The following SELENOO variants were observed in gnomAD, a reference collection of about 807,000 sequenced individuals.
The protein encoded by SELENOO is selenoprotein O.
Under a neutral mutation model 58.7 loss-of-function variants are expected in SELENOO, and 74 were observed. The observed-to-expected ratio is 1.26, with a 90% CI of 1.04 to 1.53. The LOEUF is 1.53. Ranked by LOEUF, SELENOO falls within the 40% of genes most tolerant of loss-of-function variation. The pLI is 0.00. For synonymous variants in SELENOO, 543 were observed against 453.2 expected, an observed-to-expected ratio of 1.20 and a Z score of -2.52; for missense variants, 1,149 against 970.0, an observed-to-expected ratio of 1.18 and a Z score of -2.45.
chr22:50,209,637 G>A (rs1370228092), intron 3 of SELENOO: 1 of 153,134 alleles, frequency 6.5e-6, no homozygotes, highest in Non-Finnish European at 1.5e-5. Context: ...GAGCGTCGGT[G>A]GCCTTGAAGG....
intron 4 of SELENOO, 78 bp from the exon 5 acceptor site, chr22:50,210,553 C>T (rs928751036): frequency 6.3e-7 from 1 of 1,593,814 alleles, no homozygotes; most frequent in African/African-American, 1.3e-5. Context: ...TCCCCTGGGC[C>T]TCCCCTCCAG....
intron 2 of SELENOO, among the ~76,000 whole-genome samples, chr22:50,206,892 T>TG (rs58610841): frequency 0.41 from 61,783 of 151,776 alleles, 12,626 homozygotes; most frequent in African/African-American, 0.45. Context: ...CTGGTGCTTC[T>TG]GGGGGGGAGG....
chr22:50,212,392 G>A (rs1351759858), intron 5 of SELENOO, among the ~76,000 whole-genome samples: 1 of 152,174 alleles, frequency 6.6e-6, no homozygotes, highest in Non-Finnish European at 1.5e-5. Context: ...TCTGTGTCAG[G>A]TAGTTTGTCC....
intron 5 of SELENOO, among the ~76,000 whole-genome samples, chr22:50,213,284 C>T (rs929334826): frequency 2.6e-5 from 4 of 152,172 alleles, no homozygotes; most frequent in African/African-American, 9.7e-5. Flanking sequence ...TGGTCTCCAA[C>T]ACCTGATCGC....
intron 5 of SELENOO, among the ~76,000 whole-genome samples, chr22:50,212,885 GCA>G (rs1331707336): frequency 1.2e-4 from 18 of 147,090 alleles, no homozygotes; most frequent in African/African-American, 4.3e-4. Context: ...GTGGAGTTAC[GCA>G]GCGTGTGCCT....
In SELENOO at chr22:50,201,288, C is replaced by G. The variant is rs2064297698; in HGVS notation, c.252C>G (p.Arg84=). 3.7e-5 allele frequency: 40 copies of G among 1,084,522 alleles called. No individual in the cohort carries two copies. Among genetic ancestry groups the G allele is most frequent in the Non-Finnish European group, 4.3e-5 (39 of 896,998 alleles). 67.2% of individuals were successfully genotyped at this position (1,084,522 alleles called of 1,614,324 possible). ...CCGTGCCCGGGGCCTGCTTCACCCG[C>G]GTGCAGCCCACCCCGCTGCGGCAGC... ...PRPVPGACFT[R]VQPTPLRQPR... Residue 84 remains arginine (R), a synonymous_variant, in exon 1 of 9, where the codon CGC becomes CGG. Transcript: ENST00000380903.
chr22:50,209,072 G>A (rs1321988055), intron 3 of SELENOO: 3 of 205,848 alleles, frequency 1.5e-5, no homozygotes, highest in Admixed American at 1.1e-4. Context: ...AGCCAGCCGG[G>A]TCCTGACTGG....
chr22:50,207,856 G>T (rs140126200), intron 2 of SELENOO, among the ~76,000 whole-genome samples: 1 of 137,708 alleles, frequency 7.3e-6, no homozygotes, highest in African/African-American at 2.7e-5. Flanking sequence ...TCTCCTCCCC[G>T]AGGACGCAGT....
chr22:50,216,740 G>T lies in SELENOO; in HGVS notation c.1552G>T (p.Ala518Ser). Reference sequence around the variant, plus strand: ...GGCGCAGTCAAACCCGCAGCTGTTCGCGCTTATGGGCACCCGGGCAGGCAT... The same window carrying T: ...GGCGCAGTCAAACCCGCAGCTGTTCTCGCTTATGGGCACCCGGGCAGGCAT... ...MLAQSNPQLF[A>S]LMGTRAGIAR... Residue 518 changes from alanine (A) to serine (S), a missense_variant, in exon 7 of 9, where the codon GCG (alanine) becomes TCG (serine). By Grantham distance (99) the Ala-to-Ser change is moderately conservative. Transcript: ENST00000380903. 6.2e-7 allele frequency: 1 copy of T among 1,606,054 alleles called. No homozygotes were observed.
In SELENOO at chr22:50,210,673, C is replaced by T; in HGVS notation, c.1113C>T (p.Gly371=). 1.2e-6 allele frequency: 2 copies of T among 1,613,138 alleles called. No homozygotes were observed. Among genetic ancestry groups the T allele is most frequent in the East Asian group, 2.2e-5 (1 of 44,888 alleles). Residue 371 remains glycine, a synonymous_variant, in exon 5 of 9, where the codon GGC becomes GGT. Coordinates refer to ENST00000380903, the MANE Select transcript of SELENOO (RefSeq NM_031454.2). ...TGTGCAATGCCTCCGACAACACCGG[C>T]CGCTACGCGTACAGCAAGCAGCCCG... ...DHVCNASDNT[G]RYAYSKQPEV...
At position 50,217,584 on chromosome 22, in the gene SELENOO, C is replaced by G. The variant is rs1602499909; in HGVS notation, c.*215C>G. Reference sequence around the variant, plus strand: ...GCAGCCTGGTCCCTGGGGGCTGGACCCAGGCTCCTAAATAAACCAGCAACT... The same window carrying G: ...GCAGCCTGGTCCCTGGGGGCTGGACGCAGGCTCCTAAATAAACCAGCAACT... On this transcript the variant is annotated 3_prime_UTR_variant, in exon 9 of 9. Coordinates refer to ENST00000380903, the MANE Select transcript of SELENOO (RefSeq NM_031454.2). 1.0e-6 allele frequency: 1 copy of G among 969,390 alleles called. No homozygotes were observed. The highest frequency in any genetic ancestry group is 2.7e-5 in the East Asian group (1 of 37,498). 60.0% of individuals were successfully genotyped at this position (969,390 alleles called of 1,614,324 possible).
intron 5 of SELENOO, among the ~76,000 whole-genome samples, chr22:50,213,516 T>C (rs2064386108): frequency 6.6e-6 from 1 of 150,764 alleles, no homozygotes; most frequent in South Asian, 2.1e-4. Flanking sequence ...CAGAGCGTCC[T>C]GTACCCGTGT....
Position 50,208,732 on chromosome 22 carries a change from G to A in SELENOO, c.939+16G>A, listed in dbSNP as rs200705634. ...CTTCCGGGAGGTCAGTGGGCCGCAC[G>A]CCACCCCTCCCTGCGGGTGGATGCT... On this transcript the variant is annotated intron_variant, in intron 3 of 8. Coordinates refer to ENST00000380903, the MANE Select transcript of SELENOO (RefSeq NM_031454.2). The A allele has an allele frequency of 4.2e-5, 67 of 1,604,832 alleles. No individual in the cohort carries two copies. The highest frequency in any genetic ancestry group is 1.2e-4 in the African/African-American group (9 of 74,958).
At chr22:50,214,933 A>G (rs1363013690) in intron 5 of SELENOO, among the ~76,000 whole-genome samples, 1 of 152,228 alleles carries the variant, frequency 6.6e-6, no homozygotes, top group Non-Finnish European at 1.5e-5. Flanking sequence ...CCACTTTGCC[A>G]ATCTGCCTTT....
chr22:50,212,467 G>T (rs949327038), intron 5 of SELENOO, among the ~76,000 whole-genome samples: 3 of 152,130 alleles, frequency 2.0e-5, no homozygotes, highest in Non-Finnish European at 4.4e-5. Context: ...CATTGTGGTA[G>T]GAACACAACA....
intron 2 of SELENOO, 42 bp downstream of exon 2, chr22:50,206,562 TAG>T (rs2064334633): frequency 6.5e-7 from 1 of 1,538,988 alleles, no homozygotes; most frequent in Non-Finnish European, 8.8e-7. Context: ...CGCACTTGCT[TAG>T]AGTCCTAGGA....
chr22:50,204,987 A>G (rs2064324161), intron 1 of SELENOO, among the ~76,000 whole-genome samples: 2 of 152,278 alleles, frequency 1.3e-5, no homozygotes, highest in Admixed American at 1.3e-4. Context: ...TAAGCTGGTC[A>G]CAGAGAGACA....
At position 50,201,082 on chromosome 22, in the gene SELENOO, C is replaced by T. The variant is rs1484997908; in HGVS notation, c.46C>T (p.Arg16Ter). 2.2e-6 allele frequency: 3 copies of T among 1,366,518 alleles called. No homozygotes were observed. The highest frequency in any genetic ancestry group is 1.9e-6 in the Non-Finnish European group (2 of 1,059,672). The allele number at this position is 1,366,518 out of a possible 1,614,324, so 84.6% of individuals were successfully genotyped here. The change falls in exon 1 of 9, where the codon CGA (arginine) becomes TGA (stop). Residue 16 changes from arginine to a stop codon, truncating the protein, a stop_gained. Transcript: ENST00000380903. LOFTEE classifies it high-confidence loss of function. ...GCTCGGGGCTTCGCTCGCGGCTGCC[C>T]GACTCTTGCCCCTCGGTCGCTGTTC... is the stretch of plus-strand genomic sequence containing the variant. ...AALGASLAAA[R>*]LLPLGRCSPS...
In SELENOO at chr22:50,217,577, G is replaced by C; in HGVS notation, c.*208G>C. The C allele has an allele frequency of 1.1e-6, 1 of 946,652 alleles. No individual in the cohort carries two copies. The highest frequency in any genetic ancestry group is 1.6e-6 in the Non-Finnish European group (1 of 642,710). The allele number at this position is 946,652 out of a possible 1,614,324, so 58.6% of individuals were successfully genotyped here. ...CAGCAGTGCAGCCTGGTCCCTGGGGGCTGGACCCAGGCTCCTAAATAAACC... is the reference window on the plus strand; with the variant it reads ...CAGCAGTGCAGCCTGGTCCCTGGGGCCTGGACCCAGGCTCCTAAATAAACC... On this transcript the variant is annotated 3_prime_UTR_variant, in exon 9 of 9. Transcript: ENST00000380903.
Sources: gnomAD v4.1 joint callset for allele counts (sites outside exome capture counted in the v4.1 genomes callset) on GRCh38, gnomAD v4.1.1 for gene constraint, MANE v1.5 for transcripts, NCBI Gene and HGNC (gene_info 2026-07-23, HGNC 2026-07-21) for gene names.